DKK2: variants seen among roughly 807,000 people sequenced by gnomAD.
DKK2 encodes dickkopf-related protein 2.
DKK2 carries 11 observed loss-of-function variants against 28.1 expected under a neutral mutation model. The observed-to-expected ratio is 0.39, with a 90% CI of 0.25 to 0.65. The LOEUF is 0.65. Among genes scored for constraint, DKK2 ranks in the 30% least tolerant of loss-of-function variants. The pLI is 0.47. For missense variants in DKK2, 326 were observed against 335.5 expected (o/e 0.97, Z 0.22); for synonymous variants, 135 against 126.5 (o/e 1.07, Z -0.45).
chr4:107,017,940 T>C (rs1723634361), intron 1 of DKK2, among the ~76,000 whole-genome samples: 1 of 152,098 alleles, frequency 6.6e-6, no homozygotes, highest in Non-Finnish European at 1.5e-5. Context: ...TTTAGCTTTG[T>C]TTGTTCGATT....
chr4:107,029,501 T>A (rs1187919087), intron 1 of DKK2, among the ~76,000 whole-genome samples: 2 of 152,210 alleles, frequency 1.3e-5, no homozygotes, highest in Non-Finnish European at 2.9e-5. Flanking sequence ...GTTTCATGCC[T>A]GGCATAGAGT....
intron 1 of DKK2, among the ~76,000 whole-genome samples, chr4:106,977,815 C>T (rs930917161): frequency 2.6e-5 from 4 of 152,106 alleles, no homozygotes; most frequent in Admixed American, 6.5e-5. Flanking sequence ...GGAGAAGAGG[C>T]GCTCTGGTTT....
In DKK2 at chr4:106,924,212, G is replaced by A. The variant is rs761311607; in HGVS notation, c.530-8C>T. The A allele has an allele frequency of 5.0e-6, 8 of 1,613,454 alleles. No homozygotes were observed. In the East Asian group the frequency reaches 1.8e-4, roughly 36 times the overall value. ...AGGGGTCTCCTTCATGCCCTGCAGAGATGATGACCAATAGATGTTACCCTG... is the reference window on the plus strand; with the variant it reads ...AGGGGTCTCCTTCATGCCCTGCAGAAATGATGACCAATAGATGTTACCCTG... On this transcript the variant is annotated splice_region_variant and splice_polypyrimidine_tract_variant and intron_variant, in intron 3 of 3. Transcript: ENST00000285311.
At chr4:106,992,769 T>G (rs1333841302) in intron 1 of DKK2, among the ~76,000 whole-genome samples, 1 of 152,050 alleles carries the variant, frequency 6.6e-6, no homozygotes, top group Admixed American at 6.6e-5. Flanking sequence ...CAGAGGGAGA[T>G]TTCTCTATTT....
At chr4:106,934,584 C>T (rs1724551436) in intron 1 of DKK2, among the ~76,000 whole-genome samples, 1 of 152,078 alleles carries the variant, frequency 6.6e-6, no homozygotes, top group African/African-American at 2.4e-5. Flanking sequence ...TTTAATTGAG[C>T]TAATGTTTAT....
chr4:106,936,264 TG>T (rs1207046508), intron 1 of DKK2, among the ~76,000 whole-genome samples: 1 of 151,800 alleles, frequency 6.6e-6, no homozygotes, highest in African/African-American at 2.4e-5. Context: ...TACAGAGAAG[TG>T]CTTAAAGGAG....
chr4:106,951,154 T>C (rs1724853282), intron 1 of DKK2, among the ~76,000 whole-genome samples: 1 of 152,090 alleles, frequency 6.6e-6, no homozygotes, highest in African/African-American at 2.4e-5. Flanking sequence ...TGCACACCCA[T>C]GTTTAATCAA....
chr4:106,950,672 G>T (rs1012807493), intron 1 of DKK2, among the ~76,000 whole-genome samples: 1 of 152,116 alleles, frequency 6.6e-6, no homozygotes, highest in Non-Finnish European at 1.5e-5. Context: ...CTGAGCACAA[G>T]TTCTCTGTCT....
chr4:106,958,915 A>G (rs984871056), intron 1 of DKK2, among the ~76,000 whole-genome samples: 2 of 151,892 alleles, frequency 1.3e-5, no homozygotes, highest in Non-Finnish European at 2.9e-5. Flanking sequence ...AGCTGCTTCT[A>G]CTTTTTGATG....
chr4:106,994,491 CCA>C (rs112978532), intron 1 of DKK2, among the ~76,000 whole-genome samples: 1,888 of 144,830 alleles, frequency 0.013, 20 homozygotes, highest in African/African-American at 0.023. Flanking sequence ...CACATGTACA[CCA>C]CACACACACA....
intron 1 of DKK2, among the ~76,000 whole-genome samples, chr4:106,964,386 A>G (rs1441705911): frequency 2.0e-5 from 3 of 152,154 alleles, no homozygotes; most frequent in Non-Finnish European, 4.4e-5. Context: ...TAAAGAAGAC[A>G]TGGTTAATGG....
chr4:107,035,373 C>T lies in DKK2; in HGVS notation c.219G>A (p.Gly73=). 6.2e-7 allele frequency: 1 copy of T among 1,614,118 alleles called. No homozygotes were observed. The highest frequency in any genetic ancestry group is 8.5e-7 in the Non-Finnish European group (1 of 1,179,972). ...ATGTGTTTGGGGGTTTTCCTACCTG[C>T]CCCAGGTTTTTGCCCTTCTTACTGC... The part of the protein sequence containing the change: ...FGGSKKGKNL[G]QAYPCSSDKE... The change falls in exon 1 of 4, where the codon GGG becomes GGA. Residue 73 remains glycine (G), a synonymous_variant. Coordinates refer to ENST00000285311, the MANE Select transcript of DKK2 (RefSeq NM_014421.3).
intron 1 of DKK2, among the ~76,000 whole-genome samples, chr4:106,988,299 A>C (rs1723152954): frequency 6.6e-6 from 1 of 152,190 alleles, no homozygotes; most frequent in African/African-American, 2.4e-5. Context: ...TTTAAACTCA[A>C]AGTAACATTG....
At chr4:106,978,923 G>A (rs1722986053) in intron 1 of DKK2, among the ~76,000 whole-genome samples, 1 of 152,130 alleles carries the variant, frequency 6.6e-6, no homozygotes, top group South Asian at 2.1e-4. Context: ...TCTACGGGTT[G>A]CGAAGACTGT....
At chr4:107,009,179 G>T (rs1156923699) in intron 1 of DKK2, among the ~76,000 whole-genome samples, 1 of 151,672 alleles carries the variant, frequency 6.6e-6, no homozygotes, top group Non-Finnish European at 1.5e-5. Context: ...TCAAAGGTAG[G>T]TGTCTACTGT....
At chr4:107,017,210 A>T in intron 1 of DKK2, among the ~76,000 whole-genome samples, 1 of 152,026 alleles carries the variant, frequency 6.6e-6, no homozygotes. Context: ...TGTAGAACAA[A>T]GCTTCCTCTC....
rs371543159 is a variant in DKK2, at chr4:107,024,180, C to A, written c.222+11190G>T. Reference sequence around the variant, plus strand: ...ATGACCCTAAAGCTTAGTTTCAGAACCTTAAAAATATACTGATATCTATTA... The same window carrying A: ...ATGACCCTAAAGCTTAGTTTCAGAAACTTAAAAATATACTGATATCTATTA... On this transcript the variant is annotated intron_variant, in intron 1 of 3. Coordinates refer to ENST00000285311, the MANE Select transcript of DKK2 (RefSeq NM_014421.3). Among the ~76,000 whole-genome samples, 9 of 152,122 alleles carry A rather than the reference C, an allele frequency of 5.9e-5. 1 individual carries two copies. Among genetic ancestry groups the A allele is most frequent in the Admixed American group, 5.9e-4 (9 of 15,276 alleles).
At chr4:106,951,104 C>T (rs1308280925) in intron 1 of DKK2, among the ~76,000 whole-genome samples, 2 of 151,848 alleles carry the variant, frequency 1.3e-5, no homozygotes, top group Non-Finnish European at 1.5e-5. Context: ...AGTGTACAAA[C>T]ATATCAAATT....
At chr4:107,034,344 G>A (rs1723928305) in intron 1 of DKK2, among the ~76,000 whole-genome samples, 1 of 150,728 alleles carries the variant, frequency 6.6e-6, no homozygotes, top group South Asian at 2.2e-4. Context: ...TGTGCCATTG[G>A]TAAAATGGCT....
Sources: allele counts gnomAD v4.1 joint callset (sites outside exome capture counted in the v4.1 genomes callset), GRCh38; gene constraint gnomAD v4.1.1; transcripts MANE v1.5; gene names NCBI Gene and HGNC (gene_info 2026-07-23, HGNC 2026-07-21).